The following FAM120A variants were observed in gnomAD, a reference collection of about 807,000 sequenced individuals.
FAM120A encodes constitutive coactivator of PPAR-gamma-like protein 1.
A neutral mutation model predicts 109.7 loss-of-function variants in FAM120A; 15 were observed. The observed-to-expected ratio is 0.14, with a 90% CI of 0.09 to 0.21. FAM120A has a LOEUF of 0.21. FAM120A is among the 10% of genes least tolerant of loss of function. The pLI, the probability that FAM120A is intolerant of heterozygous loss-of-function variation, is 1.00. For missense variants in FAM120A, 899 were observed against 1,439.3 expected (o/e 0.62, Z 6.07); for synonymous variants, 493 against 572.8 (o/e 0.86, Z 1.99).
chr9:93,504,779 G>A (rs1159944309), intron 5 of FAM120A, among the ~76,000 whole-genome samples: 1 of 152,200 alleles, frequency 6.6e-6, no homozygotes, highest in Non-Finnish European at 1.5e-5. Context: ...ATGTGCCCAG[G>A]AGTGGAATTC....
intron 17 of FAM120A, among the ~76,000 whole-genome samples, chr9:93,563,988 C>T (rs890418742): frequency 2.6e-5 from 4 of 152,204 alleles, no homozygotes; most frequent in African/African-American, 9.7e-5. Flanking sequence ...AAGGGGGAAT[C>T]TCCCTCATTT....
At chr9:93,461,163 A>G (rs1850417527) in intron 1 of FAM120A, among the ~76,000 whole-genome samples, 1 of 152,106 alleles carries the variant, frequency 6.6e-6, no homozygotes, top group South Asian at 2.1e-4. Context: ...GGCATTTCTC[A>G]GTTGTCTCTG....
chr9:93,492,036 T>A (rs1293770121), intron 3 of FAM120A, among the ~76,000 whole-genome samples: 1 of 152,162 alleles, frequency 6.6e-6, no homozygotes, highest in African/African-American at 2.4e-5. Flanking sequence ...CATGTGCTAT[T>A]TTAGAATCTC....
intron 10 of FAM120A, among the ~76,000 whole-genome samples, chr9:93,533,131 T>C (rs1861392781): frequency 6.6e-6 from 1 of 152,214 alleles, no homozygotes; most frequent in Non-Finnish European, 1.5e-5. Flanking sequence ...TTATGAATTG[T>C]GGAAATTGTA....
intron 15 of FAM120A, among the ~76,000 whole-genome samples, chr9:93,559,954 A>C (rs996799307): frequency 2.6e-5 from 4 of 152,220 alleles, no homozygotes; most frequent in Admixed American, 2.0e-4. Context: ...AATACATATC[A>C]GATTTTAAAA....
At chr9:93,526,872 C>T (rs946924057) in intron 7 of FAM120A, among the ~76,000 whole-genome samples, 8 of 152,234 alleles carry the variant, frequency 5.3e-5, no homozygotes, top group Non-Finnish European at 8.8e-5. Flanking sequence ...CCTTTGTTTC[C>T]TCTGCATCCT....
Position 93,452,502 on chromosome 9 carries a change from C to A in FAM120A, c.474+113C>A. The A allele has an allele frequency of 1.3e-6, 2 of 1,547,864 alleles. No homozygotes were observed. The highest frequency in any genetic ancestry group is 1.7e-6 in the Non-Finnish European group (2 of 1,151,816). On this transcript the variant is annotated intron_variant, in intron 1 of 17. Coordinates refer to ENST00000277165, the MANE Select transcript of FAM120A (RefSeq NM_014612.5). The surrounding 1 kb of genome is among the most constrained non-coding windows in gnomAD (Gnocchi z 7.0). ...TGGCGGCGCTGGGGGCAGCGAGTTC[C>A]CCCAGCCCTTGCCCGGGATAGCCTG...
At position 93,564,753 on chromosome 9, in the gene FAM120A, AAGAG is replaced by A. The variant is rs1862582509; in HGVS notation, c.*215_*218del. Reference sequence around the variant, plus strand: ...GTCAAAATGCTACAATAAAACAAAAAAGAGAAAGAAAATGAAGAGCATTTGACTC... The same window carrying A: ...GTCAAAATGCTACAATAAAACAAAAAAAAGAAAATGAAGAGCATTTGACTC... On this transcript the variant is annotated 3_prime_UTR_variant, in exon 18 of 18. Coordinates refer to ENST00000277165, the MANE Select transcript of FAM120A (RefSeq NM_014612.5). 2.1e-6 allele frequency: 1 copy of A among 471,398 alleles called. No homozygotes were observed. The highest frequency in any genetic ancestry group is 3.8e-5 in the Admixed American group (1 of 26,156). 29.2% of individuals were successfully genotyped at this position (471,398 alleles called of 1,614,324 possible). A position where few individuals can be genotyped will look rare whatever the true frequency, so the allele number is the denominator to read the frequency against.
intron 11 of FAM120A, among the ~76,000 whole-genome samples, chr9:93,546,375 C>T (rs369034665): frequency 2.8e-4 from 43 of 152,288 alleles, no homozygotes; most frequent in African/African-American, 8.9e-4. Flanking sequence ...TGGGGCCCCG[C>T]GGCCATGGCA....
At chr9:93,558,036 T>G in intron 14 of FAM120A, 26 bp downstream of exon 14, 1 of 1,550,392 alleles carries the variant, frequency 6.4e-7, no homozygotes, top group Non-Finnish European at 8.7e-7. Flanking sequence ...CGTATTCCTG[T>G]GGGTAACAGA....
intron 1 of FAM120A, among the ~76,000 whole-genome samples, chr9:93,467,415 A>G (rs957953023): frequency 4.6e-5 from 7 of 152,130 alleles, no homozygotes; most frequent in Admixed American, 2.0e-4. Flanking sequence ...CTAGAATTTT[A>G]GAAGTTGAAG....
intron 7 of FAM120A, among the ~76,000 whole-genome samples, chr9:93,523,058 A>G (rs566286021): frequency 3.9e-5 from 6 of 152,362 alleles, no homozygotes; most frequent in African/African-American, 1.4e-4. Flanking sequence ...TTGTTTGTGT[A>G]TTAAATTAGC....
At chr9:93,465,911 AG>A (rs1314497874) in intron 1 of FAM120A, among the ~76,000 whole-genome samples, 3 of 152,180 alleles carry the variant, frequency 2.0e-5, no homozygotes, top group African/African-American at 7.2e-5. Flanking sequence ...GGTGTTTTAT[AG>A]AATGTCCCCG....
intron 10 of FAM120A, among the ~76,000 whole-genome samples, chr9:93,535,486 T>C (rs147937782): frequency 2.7e-4 from 41 of 152,334 alleles, no homozygotes; most frequent in Non-Finnish European, 1.6e-4. Flanking sequence ...GAAAAATGCA[T>C]TGTTAATGTG....
At chr9:93,551,691 A>G (rs934277358) in intron 12 of FAM120A, among the ~76,000 whole-genome samples, 2 of 152,176 alleles carry the variant, frequency 1.3e-5, no homozygotes, top group African/African-American at 4.8e-5. Context: ...ATAAATTTCT[A>G]GTTTTCCCTA....
chr9:93,514,834 C>G (rs548013438), intron 5 of FAM120A, among the ~76,000 whole-genome samples: 51 of 152,352 alleles, frequency 3.3e-4, no homozygotes, highest in Middle Eastern at 6.8e-3. Context: ...TCTTCCTGTG[C>G]TTAGTTAGGC....
chr9:93,466,412 G>A (rs973836176), intron 1 of FAM120A, among the ~76,000 whole-genome samples: 4 of 152,034 alleles, frequency 2.6e-5, no homozygotes, highest in African/African-American at 9.7e-5. Context: ...GCTCTCTTGG[G>A]TTGGCCCGTG....
At chr9:93,470,255 T>C (rs1858249618) in intron 1 of FAM120A, among the ~76,000 whole-genome samples, 1 of 152,222 alleles carries the variant, frequency 6.6e-6, no homozygotes, top group Admixed American at 6.5e-5. Flanking sequence ...TTTAGTTGGA[T>C]TAATGAGTAT....
intron 16 of FAM120A, 137 bp from the exon 17 acceptor site, chr9:93,562,071 C>T (rs2131576409): frequency 4.2e-6 from 3 of 708,800 alleles, no homozygotes; most frequent in Non-Finnish European, 6.9e-6. Flanking sequence ...CAACAAATTG[C>T]AACTTCCGGC....
Sources: allele counts gnomAD v4.1 joint callset (sites outside exome capture counted in the v4.1 genomes callset), GRCh38; gene constraint gnomAD v4.1.1; non-coding constraint Gnocchi (gnomAD v3.1); transcripts MANE v1.5; gene names NCBI Gene and HGNC (gene_info 2026-07-23, HGNC 2026-07-21).